The following TCF4 variants were observed in gnomAD, a reference collection of about 807,000 sequenced individuals.
TCF4 encodes SL3-3 enhancer factor 2.
TCF4 carries 3 observed loss-of-function variants against 82.1 expected under a neutral mutation model. The observed-to-expected ratio is 0.04, with a 90% confidence interval of 0.02 to 0.09. TCF4 has a LOEUF of 0.09. Among genes scored for constraint, TCF4 ranks in the 10% least tolerant of loss-of-function variants. TCF4 has a pLI of 1.00. For missense variants in TCF4, 518 were observed against 852.7 expected, an observed-to-expected ratio of 0.61 and a Z score of 4.89; for synonymous variants, 276 against 309.6, an observed-to-expected ratio of 0.89 and a Z score of 1.14.
chr18:55,320,806 A>T (rs2075301917), intron 8 of TCF4: 1 of 152,498 alleles, frequency 6.6e-6, no homozygotes, highest in African/African-American at 2.4e-5. Flanking sequence ...ATCACCCAAC[A>T]ACTCTTCCCG....
At chr18:55,426,116 T>TAC (rs1380171861) in intron 5 of TCF4, among the ~76,000 whole-genome samples, 20 of 130,950 alleles carry the variant, frequency 1.5e-4, no homozygotes, top group African/African-American at 5.5e-4. Flanking sequence ...TATATATATA[T>TAC]ATACACACAC....
At chr18:55,410,985 A>G (rs1193956467) in intron 5 of TCF4, among the ~76,000 whole-genome samples, 1 of 152,214 alleles carries the variant, frequency 6.6e-6, no homozygotes, top group Non-Finnish European at 1.5e-5. Context: ...GCTTAGGAGA[A>G]GTACACACAT....
At position 55,314,307 on chromosome 18, in the gene TCF4, T is replaced by G. The variant is rs570791543; in HGVS notation, c.550-34651A>C. Among the ~76,000 whole-genome samples, 23 of 152,282 alleles carry G rather than the reference T, an allele frequency of 1.5e-4. 1 individual carries two copies. The South Asian group carries it at 2.5e-3, about 16-fold the overall frequency. ...AACAGGTGCAGAAATAATAATGTGC[T>G]GGCCAATCAACTTTTTCCTCTGATT... On this transcript the variant is annotated intron_variant, in intron 8 of 19. Transcript: ENST00000354452.
chr18:55,446,571 C>G (rs1435666918), intron 5 of TCF4, among the ~76,000 whole-genome samples: 1 of 152,172 alleles, frequency 6.6e-6, no homozygotes, highest in African/African-American at 2.4e-5. Flanking sequence ...CTCTGATTCT[C>G]AATTGCCTCC....
intron 2 of TCF4, among the ~76,000 whole-genome samples, chr18:55,621,979 A>T (rs12959022): frequency 7.8e-6 from 1 of 128,400 alleles, no homozygotes; most frequent in East Asian, 2.1e-4. Flanking sequence ...ATTATATATT[A>T]TATATACACT....
At position 55,577,457 on chromosome 18, in the gene TCF4, A is replaced by G. The variant is rs866234180; in HGVS notation, c.145+7823T>C. Among the ~76,000 whole-genome samples, 4 of 152,030 alleles carry G rather than the reference A, an allele frequency of 2.6e-5. No individual in the cohort carries two copies. In the South Asian group the frequency reaches 8.3e-4, roughly 32 times the overall value. ...TAAATAAAGATACTTTTCTAACCAT[A>G]ATCATTATCAATTTTTACTCATCTT... On this transcript the variant is annotated intron_variant, in intron 3 of 19. Coordinates refer to ENST00000354452, the MANE Select transcript of TCF4 (RefSeq NM_001083962.2).
At chr18:55,436,341 C>T (rs532251289) in intron 5 of TCF4, among the ~76,000 whole-genome samples, 14 of 152,128 alleles carry the variant, frequency 9.2e-5, no homozygotes, top group Admixed American at 2.0e-4. Flanking sequence ...GCTTTAATTC[C>T]CCGTAAAGGT....
At chr18:55,390,813 C>T (rs142245605) in intron 6 of TCF4, among the ~76,000 whole-genome samples, 27 of 152,310 alleles carry the variant, frequency 1.8e-4, no homozygotes, top group African/African-American at 5.8e-4. Flanking sequence ...TGCAAAAGGA[C>T]ATTAAGAACA....
intron 3 of TCF4, among the ~76,000 whole-genome samples, chr18:55,572,931 T>C (rs2097488636): frequency 6.6e-6 from 1 of 151,916 alleles, no homozygotes; most frequent in African/African-American, 2.4e-5. Context: ...CACATGCTTG[T>C]AATTTCAACT....
intron 3 of TCF4, among the ~76,000 whole-genome samples, chr18:55,528,676 T>A (rs1236782078): frequency 6.6e-6 from 1 of 152,218 alleles, no homozygotes; most frequent in Non-Finnish European, 1.5e-5. Flanking sequence ...ATAGCACTAG[T>A]GTCATTAAAG....
In TCF4 at chr18:55,318,213, A is replaced by G. The variant is rs149730931; in HGVS notation, c.549+32146T>C. Among the ~76,000 whole-genome samples, 254 of 152,264 alleles carry G rather than the reference A, an allele frequency of 1.7e-3. 1 individual carries two copies. Among genetic ancestry groups the G allele is most frequent in the African/African-American group, 5.6e-3 (233 of 41,572 alleles). On this transcript the variant is annotated intron_variant, in intron 8 of 19. Coordinates refer to ENST00000354452, the MANE Select transcript of TCF4 (RefSeq NM_001083962.2). ...TTAGATATGTGAAATTTGACCAAAT[A>G]ATCACTTATTAAAATTCTTCTTCAA...
chr18:55,403,717 C>T (rs2093951715), intron 5 of TCF4, 199 bp from the exon 6 acceptor site: 2 of 1,539,546 alleles, frequency 1.3e-6, no homozygotes, highest in Non-Finnish European at 1.7e-6. Flanking sequence ...TCCTTCATTC[C>T]TATTCTTAGC....
chr18:55,543,458 C>T (rs919736409), intron 3 of TCF4, among the ~76,000 whole-genome samples: 18 of 152,238 alleles, frequency 1.2e-4, no homozygotes, highest in African/African-American at 3.8e-4. Context: ...AAAATGCTCT[C>T]CTTTTCCATT....
At chr18:55,567,757 C>T (rs1420857830) in intron 3 of TCF4, among the ~76,000 whole-genome samples, 1 of 151,752 alleles carries the variant, frequency 6.6e-6, no homozygotes, top group African/African-American at 2.4e-5. Flanking sequence ...TTTCTGGACA[C>T]ATATAGATCC....
At chr18:55,310,619 T>C (rs1373129612) in intron 8 of TCF4, among the ~76,000 whole-genome samples, 1 of 152,012 alleles carries the variant, frequency 6.6e-6, no homozygotes. Context: ...GGGAGAGAGG[T>C]CCCCAGTTGT....
upstream of TCF4, chr18:55,589,664 C>T (rs2097679977): frequency 9.6e-7 from 1 of 1,039,822 alleles, no homozygotes; most frequent in Non-Finnish European, 1.2e-6. Context: ...TAAACTTGTT[C>T]CAAGTTTAGA....
chr18:55,621,941 CACTA>C (rs1466331436), intron 2 of TCF4, among the ~76,000 whole-genome samples: 4 of 448 alleles, frequency 8.9e-3, no homozygotes, highest in African/African-American at 0.013. Flanking sequence ...ACTATATATA[CACTA>C]TATATATTAT....
chr18:55,303,642 C>T (rs1318785154), intron 8 of TCF4, among the ~76,000 whole-genome samples: 2 of 151,766 alleles, frequency 1.3e-5, no homozygotes, highest in Non-Finnish European at 2.9e-5. Context: ...GTAAGGACAA[C>T]AGTGCAATAA....
chr18:55,573,347 C>T (rs2147605530), intron 3 of TCF4, among the ~76,000 whole-genome samples: 1 of 151,422 alleles, frequency 6.6e-6, no homozygotes, highest in African/African-American at 2.4e-5. Flanking sequence ...CCCCAATGAC[C>T]TAAAGGTACA....
Sources: allele counts gnomAD v4.1 joint callset (sites outside exome capture counted in the v4.1 genomes callset), GRCh38; gene constraint gnomAD v4.1.1; transcripts MANE v1.5; gene names NCBI Gene and HGNC (gene_info 2026-07-23, HGNC 2026-07-21).